Variants in MBNL1 observed in about 807,000 individuals in gnomAD.
MBNL1 encodes the protein muscleblind-like protein 1.
In MBNL1, 8 loss-of-function variants were observed where a neutral mutation model predicts 42.2. The ratio of observed to expected loss-of-function variants is 0.19; its 90% CI spans 0.11 to 0.34. MBNL1 has a LOEUF of 0.34. Ranked by LOEUF, MBNL1 falls within the 10% of genes least tolerant of loss-of-function variation. The pLI, the probability that MBNL1 is intolerant of heterozygous loss-of-function variation, is 1.00. For synonymous variants in MBNL1, 169 were observed against 173.9 expected (o/e 0.97, Z 0.22); for missense variants, 309 against 495.3 (o/e 0.62, Z 3.57).
chr3:152,429,563 T>C (rs1000808794), intron 3 of MBNL1, among the ~76,000 whole-genome samples: 2 of 152,214 alleles, frequency 1.3e-5, no homozygotes, highest in Non-Finnish European at 2.9e-5. Context: ...ATTGCATTAA[T>C]ATCTGTCTTT....
intron 1 of MBNL1, among the ~76,000 whole-genome samples, chr3:152,289,722 G>T (rs2054740250): frequency 6.6e-6 from 1 of 152,024 alleles, no homozygotes. Flanking sequence ...AATCCTTAAG[G>T]TCAGTTGTAT....
At chr3:152,398,409 T>TTAA (rs1208224814) in intron 2 of MBNL1, among the ~76,000 whole-genome samples, 2 of 152,156 alleles carry the variant, frequency 1.3e-5, no homozygotes, top group Non-Finnish European at 2.9e-5. Context: ...TTAGGGTGTG[T>TTAA]AGTAAATTAT....
intron 2 of MBNL1, among the ~76,000 whole-genome samples, chr3:152,339,322 A>T (rs2092404268): frequency 6.6e-6 from 1 of 152,196 alleles, no homozygotes; most frequent in African/African-American, 2.4e-5. Flanking sequence ...GGATATAAAT[A>T]ACCTGAATGG....
intron 2 of MBNL1, among the ~76,000 whole-genome samples, chr3:152,324,951 C>T: frequency 6.6e-6 from 1 of 151,926 alleles, no homozygotes; most frequent in South Asian, 2.1e-4. Flanking sequence ...TTATTGATCC[C>T]TTACTAAGTA....
At chr3:152,355,263 A>G (rs1163132564) in intron 2 of MBNL1, among the ~76,000 whole-genome samples, 1 of 152,216 alleles carries the variant, frequency 6.6e-6, no homozygotes, top group African/African-American at 2.4e-5. Context: ...TTGGCAATTG[A>G]TATTATCTAT....
At chr3:152,329,695 TTA>T (rs200400979) in intron 2 of MBNL1, among the ~76,000 whole-genome samples, 176 of 132,364 alleles carry the variant, frequency 1.3e-3, no homozygotes, top group African/African-American at 3.0e-3. Flanking sequence ...ATCTTATATA[TTA>T]TATATATATA....
rs568089835 is a variant in MBNL1, at chr3:152,337,404, G to A, written c.174+37037G>A. Among the ~76,000 whole-genome samples the A allele has an allele frequency of 3.3e-5, 5 of 152,236 alleles. No homozygotes were observed. The South Asian group carries it at 1.0e-3, about 32-fold the overall frequency. ...AGAGGCCAAGGCAGGTGGGTCATTT[G>A]AGGTCAGGAGTTCGAGAACAGCCTG... is the stretch of plus-strand genomic sequence containing the variant. On this transcript the variant is annotated intron_variant, in intron 2 of 9. Transcript: ENST00000324210.
intron 2 of MBNL1, among the ~76,000 whole-genome samples, chr3:152,247,338 A>C (rs1305800714): frequency 6.6e-6 from 1 of 152,092 alleles, no homozygotes; most frequent in Non-Finnish European, 1.5e-5. Flanking sequence ...GCATATTCAC[A>C]TATAATTAAA....
At chr3:152,310,776 G>A (rs1481627931) in intron 2 of MBNL1, among the ~76,000 whole-genome samples, 2 of 151,888 alleles carry the variant, frequency 1.3e-5, no homozygotes, top group Admixed American at 6.6e-5. Context: ...AAGTCATGCC[G>A]CAGACAGGAT....
chr3:152,453,819 C>T (rs984269645), intron 6 of MBNL1, among the ~76,000 whole-genome samples: 2 of 152,172 alleles, frequency 1.3e-5, no homozygotes, highest in African/African-American at 4.8e-5. Context: ...TCATTTTCAG[C>T]ATGTGCAGAC....
At chr3:152,324,610 A>G (rs2152465481) in intron 2 of MBNL1, among the ~76,000 whole-genome samples, 1 of 152,308 alleles carries the variant, frequency 6.6e-6, no homozygotes, top group Non-Finnish European at 1.5e-5. Flanking sequence ...AGCAGCACTC[A>G]CTGTTTATAG....
chr3:152,435,433 G>A (rs1177368705), intron 4 of MBNL1, among the ~76,000 whole-genome samples: 1 of 152,140 alleles, frequency 6.6e-6, no homozygotes, highest in African/African-American at 2.4e-5. Flanking sequence ...TGCTGTTTGG[G>A]TTACTGTAGC....
chr3:152,458,098 T>G, intron 8 of MBNL1: 1 of 1,597,530 alleles, frequency 6.3e-7, no homozygotes, highest in Non-Finnish European at 8.6e-7. Flanking sequence ...CTGCATCGAT[T>G]GGTGTTGAAG....
intron 4 of MBNL1, among the ~76,000 whole-genome samples, chr3:152,438,092 G>A (rs1425318995): frequency 1.3e-5 from 2 of 152,172 alleles, no homozygotes; most frequent in African/African-American, 2.4e-5. Flanking sequence ...ACTACAAAGA[G>A]TTAGTAATTG....
intron 2 of MBNL1, among the ~76,000 whole-genome samples, chr3:152,251,753 C>T (rs371993996): frequency 5.9e-5 from 9 of 152,004 alleles, no homozygotes; most frequent in African/African-American, 2.2e-4. Flanking sequence ...GGTCTTATGT[C>T]CCACATTGTT....
intron 2 of MBNL1, among the ~76,000 whole-genome samples, chr3:152,332,937 G>A (rs566280481): frequency 2.6e-5 from 4 of 152,174 alleles, no homozygotes; most frequent in African/African-American, 9.6e-5. Context: ...TAACCCAGAT[G>A]GCCCACTTTG....
At position 152,306,661 on chromosome 3, in the gene MBNL1, A is replaced by G. The variant is rs533551704; in HGVS notation, c.174+6294A>G. On this transcript the variant is annotated intron_variant, in intron 2 of 9. Coordinates refer to ENST00000324210, the MANE Select transcript of MBNL1 (RefSeq NM_021038.5). ...ATTATTTTAAAAAACTGTTGCCTTG[A>G]TTGAAATCAGGAGTCTGGTAGGTAA... Among the ~76,000 whole-genome samples, 4 of 152,166 alleles carry G rather than the reference A, an allele frequency of 2.6e-5. No homozygotes were observed. The South Asian group carries it at 6.2e-4, about 24-fold the overall frequency.
At chr3:152,318,230 C>T (rs1460714066) in intron 2 of MBNL1, among the ~76,000 whole-genome samples, 2 of 152,140 alleles carry the variant, frequency 1.3e-5, no homozygotes, top group African/African-American at 4.8e-5. Context: ...TAGAGAAAAA[C>T]AGGTCACCGT....
intron 2 of MBNL1, among the ~76,000 whole-genome samples, chr3:152,331,185 TAC>T (rs1215742327): frequency 5.3e-5 from 8 of 151,138 alleles, no homozygotes; most frequent in Non-Finnish European, 1.2e-4. Context: ...CTCCTTCCCC[TAC>T]ACACACACAC....
Sources: allele counts gnomAD v4.1 joint callset (sites outside exome capture counted in the v4.1 genomes callset), GRCh38; gene constraint gnomAD v4.1.1; transcripts MANE v1.5; gene names NCBI Gene and HGNC (gene_info 2026-07-23, HGNC 2026-07-21).